The following IQCB1 variants were observed in gnomAD, a reference collection of about 807,000 sequenced individuals.
IQCB1 encodes the protein IQ motif containing B1, also known as IQ calmodulin-binding motif-containing protein 1.
In IQCB1, 56 loss-of-function variants were observed where a neutral mutation model predicts 84.4. The ratio of observed to expected loss-of-function variants is 0.66; its 90% CI spans 0.54 to 0.83. The LOEUF (loss-of-function observed/expected upper bound fraction) is 0.83. IQCB1 is among the 40% of genes least tolerant of loss of function. The pLI, the probability that IQCB1 is intolerant of heterozygous loss-of-function variation, is 0.00. For synonymous variants in IQCB1, 210 were observed against 234.8 expected (o/e 0.89, Z 0.96); for missense variants, 629 against 682.1 (o/e 0.92, Z 0.87).
chr3:121,800,683 T>C (rs1162399945), intron 7 of IQCB1, among the ~76,000 whole-genome samples: 1 of 151,892 alleles, frequency 6.6e-6, no homozygotes, highest in Non-Finnish European at 1.5e-5. Flanking sequence ...CTTTACTCCA[T>C]ATCCCACCAA....
At chr3:121,780,275 T>C (rs1434900936) in intron 13 of IQCB1, among the ~76,000 whole-genome samples, 1 of 152,226 alleles carries the variant, frequency 6.6e-6, no homozygotes, top group African/African-American at 2.4e-5. Flanking sequence ...TTATAGGGCT[T>C]GCTTCGTTCC....
At chr3:121,808,427 T>C (rs1559784461) in intron 6 of IQCB1, among the ~76,000 whole-genome samples, 1 of 151,986 alleles carries the variant, frequency 6.6e-6, no homozygotes, top group African/African-American at 2.4e-5. Context: ...ATAAAACTCA[T>C]ACATGTTTAT....
intron 13 of IQCB1, among the ~76,000 whole-genome samples, chr3:121,773,166 T>C (rs576965287): frequency 6.6e-6 from 1 of 152,108 alleles, no homozygotes; most frequent in South Asian, 2.1e-4. Flanking sequence ...CTACAAAAAT[T>C]AGCCAGGCAT....
At position 121,790,097 on chromosome 3, in the gene IQCB1, T is replaced by G. The variant is rs767569995; in HGVS notation, c.1105A>C (p.Ser369Arg). 6.2e-7 allele frequency: 1 copy of G among 1,613,688 alleles called. No homozygotes were observed. The highest frequency in any genetic ancestry group is 2.2e-5 in the East Asian group (1 of 44,858). The change falls in exon 11 of 15, where the codon AGT (serine) becomes CGT (arginine). Residue 369 changes from serine to arginine, a missense_variant. Ser to Arg is a moderately radical substitution (Grantham distance 110). Coordinates refer to ENST00000310864, the MANE Select transcript of IQCB1 (RefSeq NM_001023570.4). The part of the protein sequence containing the change: ...AMRLSRELQL[S>R]MLEIVHPGQV... ...CCTGGATGAACTATTTCGAGCATACTCAGCTGCAATTCTCGGGAAAGTCTC... is the reference window on the plus strand; with the variant it reads ...CCTGGATGAACTATTTCGAGCATACGCAGCTGCAATTCTCGGGAAAGTCTC...
At chr3:121,788,164 TA>T in intron 12 of IQCB1, 119 bp downstream of exon 12, 1 of 1,007,906 alleles carries the variant, frequency 9.9e-7, no homozygotes, top group Non-Finnish European at 1.5e-6. Context: ...AAGAAAAAAC[TA>T]AGGCTCAAGA....
rs868343301 is a variant in IQCB1, at chr3:121,828,598, C to T, written c.135G>A (p.Glu45=). ...ATATATCTTGTTTGATTTTCTTCAA[C>T]TCTGAGCTTCCTAAAGGTGTGATGT... ...IINITPLGSS[E]LKKIKQDIYC... The change falls in exon 4 of 15, where the codon GAG becomes GAA. Residue 45 remains glutamate, a synonymous_variant. Transcript: ENST00000310864. The T allele has an allele frequency of 6.2e-7, 1 of 1,603,056 alleles. No individual in the cohort carries two copies. The highest frequency in any genetic ancestry group is 8.5e-7 in the Non-Finnish European group (1 of 1,170,234).
chr3:121,802,560 CAA>C (rs1032788465), intron 7 of IQCB1, among the ~76,000 whole-genome samples: 1 of 152,088 alleles, frequency 6.6e-6, no homozygotes, highest in Admixed American at 6.6e-5. Context: ...GGTTTCTTCT[CAA>C]AGAGCCAGTT....
At chr3:121,811,903 C>T (rs1240659223) in intron 5 of IQCB1, among the ~76,000 whole-genome samples, 2 of 152,220 alleles carry the variant, frequency 1.3e-5, no homozygotes, top group Non-Finnish European at 2.9e-5. Flanking sequence ...CATCTCCCAG[C>T]ACAGTTGATA....
chr3:121,831,179 A>ATTTTTTATTTTTTT (rs1950623739), intron 2 of IQCB1, among the ~76,000 whole-genome samples: 1 of 129,578 alleles, frequency 7.7e-6, no homozygotes. Flanking sequence ...GTATCCTAGT[A>ATTTTTTATTTTTTT]TTTTTTTTTG....
At chr3:121,792,198 T>C (rs927914211) in intron 10 of IQCB1, among the ~76,000 whole-genome samples, 1 of 152,224 alleles carries the variant, frequency 6.6e-6, no homozygotes, top group Non-Finnish European at 1.5e-5. Context: ...ACACTATTAG[T>C]ATGAAAAACA....
chr3:121,790,018 T>G (rs959054853), intron 11 of IQCB1, 55 bp downstream of exon 11: 6 of 1,511,752 alleles, frequency 4.0e-6, no homozygotes, highest in Non-Finnish European at 4.6e-6. Context: ...AAAGTTGGTT[T>G]GTTAAAAGAT....
intron 5 of IQCB1, among the ~76,000 whole-genome samples, chr3:121,814,924 T>C (rs1335966746): frequency 6.6e-6 from 1 of 152,124 alleles, no homozygotes; most frequent in East Asian, 1.9e-4. Context: ...AGCAGGATCA[T>C]CCTGATACCA....
intron 6 of IQCB1, among the ~76,000 whole-genome samples, chr3:121,808,705 A>G (rs1949703381): frequency 6.6e-6 from 1 of 152,004 alleles, no homozygotes; most frequent in Admixed American, 6.6e-5. Context: ...TTTCAACAGT[A>G]TTCTCCTTAA....
chr3:121,796,450 G>A (rs1484087463), intron 9 of IQCB1, among the ~76,000 whole-genome samples: 1 of 151,964 alleles, frequency 6.6e-6, no homozygotes, highest in Admixed American at 6.6e-5. Flanking sequence ...AAAGCAATAT[G>A]CCTCTTCCTG....
chr3:121,784,949 A>G (rs193191114), intron 12 of IQCB1, among the ~76,000 whole-genome samples: 171 of 152,268 alleles, frequency 1.1e-3, no homozygotes, highest in Middle Eastern at 0.01. Flanking sequence ...GCTGGGATTT[A>G]CAAGCATGAG....
chr3:121,771,185 T>C (rs1166024484), intron 14 of IQCB1, among the ~76,000 whole-genome samples: 1 of 151,958 alleles, frequency 6.6e-6, no homozygotes, highest in East Asian at 1.9e-4. Context: ...TTGGTCAGGC[T>C]GGTCTCGAAC....
intron 5 of IQCB1, among the ~76,000 whole-genome samples, chr3:121,812,585 T>C (rs543544360): frequency 6.6e-6 from 1 of 152,250 alleles, no homozygotes; most frequent in South Asian, 2.1e-4. Context: ...AATGACCTGA[T>C]GGAGCTGAAA....
chr3:121,795,702 T>C, intron 9 of IQCB1, 136 bp from the exon 10 acceptor site: 1 of 657,954 alleles, frequency 1.5e-6, no homozygotes, highest in Non-Finnish European at 2.7e-6. Flanking sequence ...TATTAAACCT[T>C]ACCTCCCAAA....
intron 13 of IQCB1, among the ~76,000 whole-genome samples, chr3:121,773,764 G>C (rs1484393508): frequency 2.0e-5 from 3 of 151,870 alleles, no homozygotes; most frequent in African/African-American, 7.3e-5. Context: ...GAAAAAGAGA[G>C]ATCAAAGACC....
Sources: allele counts gnomAD v4.1 joint callset (sites outside exome capture counted in the v4.1 genomes callset), GRCh38; gene constraint gnomAD v4.1.1; transcripts MANE v1.5; gene names NCBI Gene and HGNC (gene_info 2026-07-23, HGNC 2026-07-21).